The following WDTC1 variants were observed in gnomAD, a reference collection of about 807,000 sequenced individuals.
The protein encoded by WDTC1 is WD and tetratricopeptide repeats protein 1.
Under a neutral mutation model 76.0 loss-of-function variants are expected in WDTC1, and 12 were observed. The ratio of observed to expected loss-of-function variants is 0.16; its 90% CI spans 0.10 to 0.26. The LOEUF (loss-of-function observed/expected upper bound fraction) is 0.26, where lower values mean the gene tolerates loss of function less well. Among genes scored for constraint, WDTC1 ranks in the 10% least tolerant of loss-of-function variants. The pLI, the probability that WDTC1 is intolerant of heterozygous loss-of-function variation, is 1.00. For synonymous variants in WDTC1, 326 were observed against 350.8 expected (o/e 0.93, Z 0.79); for missense variants, 511 against 908.8 (o/e 0.56, Z 5.63).
At chr1:27,255,473 G>T (rs2012244833) in intron 1 of WDTC1, 1 of 152,138 alleles carries the variant, frequency 6.6e-6, no homozygotes, top group South Asian at 2.1e-4. Context: ...TTTAAGACAA[G>T]TGCAGTAGTG....
At chr1:27,282,337 G>A (rs1015643644) in intron 4 of WDTC1, 52 bp downstream of exon 4, 1 of 1,578,384 alleles carries the variant, frequency 6.3e-7, no homozygotes. Context: ...AGTAAGGAGG[G>A]TGGAACAGCA....
At chr1:27,246,469 A>G (rs2011835366) in intron 1 of WDTC1, among the ~76,000 whole-genome samples, 1 of 152,192 alleles carries the variant, frequency 6.6e-6, no homozygotes, top group Admixed American at 6.5e-5. Context: ...TTATTCATCA[A>G]TTGATGGCCA....
At chr1:27,255,444 A>G (rs2012243621) in intron 1 of WDTC1, 3 of 152,168 alleles carry the variant, frequency 2.0e-5, no homozygotes, top group Admixed American at 2.0e-4. Flanking sequence ...AAGAGCATCT[A>G]CCCTACAAGC....
Position 27,297,941 on chromosome 1 carries a change from C to T in WDTC1, c.1062C>T (p.Pro354=). The T allele has an allele frequency of 1.2e-6, 2 of 1,609,272 alleles. No individual in the cohort carries two copies. ...CTTGGCTCTATTTCCCCTGCAGCCC[C>T]CAAGTAGAGCTACCACCATACCTGG... ...RLPESRGHVS[P]QVELPPYLER... is the part of the protein sequence containing the mutation. The change falls in exon 12 of 16, where the codon CCC becomes CCT. Residue 354 remains proline (P), a synonymous_variant. Transcript: ENST00000319394.
intron 3 of WDTC1, among the ~76,000 whole-genome samples, chr1:27,267,044 C>G (rs945630553): frequency 6.6e-6 from 1 of 152,186 alleles, no homozygotes; most frequent in African/African-American, 2.4e-5. Context: ...AACCTTATCC[C>G]TATTCAACCA....
At chr1:27,281,004 C>CT (rs34814663) in intron 3 of WDTC1, among the ~76,000 whole-genome samples, 7 of 151,510 alleles carry the variant, frequency 4.6e-5, no homozygotes, top group Non-Finnish European at 7.4e-5. Context: ...GTCTCTCTCT[C>CT]TTTTTTTTCA....
intron 1 of WDTC1, among the ~76,000 whole-genome samples, chr1:27,247,704 TTTTC>T (rs1370334672): frequency 6.7e-6 from 1 of 150,056 alleles, no homozygotes; most frequent in Non-Finnish European, 1.5e-5. Context: ...ATGTACCACA[TTTTC>T]TTTCTTTTTT....
chr1:27,298,371 A>G (rs866368089), intron 12 of WDTC1, among the ~76,000 whole-genome samples: 13 of 152,224 alleles, frequency 8.5e-5, no homozygotes, highest in Non-Finnish European at 1.2e-4. Flanking sequence ...TAGTTTCTAC[A>G]TGGCATATTA....
intron 7 of WDTC1, 71 bp from the exon 8 acceptor site, chr1:27,293,951 T>A: frequency 1.4e-6 from 2 of 1,437,686 alleles, no homozygotes; most frequent in Non-Finnish European, 1.9e-6. Context: ...AGTTTTCGTC[T>A]AGTGAGTGTG....
intron 1 of WDTC1, among the ~76,000 whole-genome samples, chr1:27,258,218 T>C (rs1221232812): frequency 6.7e-6 from 1 of 149,984 alleles, no homozygotes; most frequent in Non-Finnish European, 1.5e-5. Context: ...GGCAACATAA[T>C]GAGGCCCCAT....
At chr1:27,300,845 T>G (rs2013813844) in intron 12 of WDTC1, among the ~76,000 whole-genome samples, 1 of 152,046 alleles carries the variant, frequency 6.6e-6, no homozygotes. Context: ...CGGGGGTGAT[T>G]TGAGAAGGTG....
intron 1 of WDTC1, among the ~76,000 whole-genome samples, chr1:27,241,005 A>G (rs1315560881): frequency 6.6e-6 from 1 of 151,524 alleles, no homozygotes; most frequent in African/African-American, 2.4e-5. Flanking sequence ...TTAAGCCTGA[A>G]TAAGGGGAGG....
intron 1 of WDTC1, among the ~76,000 whole-genome samples, chr1:27,253,202 G>A (rs1234240885): frequency 6.6e-6 from 1 of 151,914 alleles, no homozygotes; most frequent in East Asian, 1.9e-4. Context: ...TAGAGACAGG[G>A]TTTCACTGTG....
At position 27,287,698 on chromosome 1, in the gene WDTC1, A is replaced by G. The variant is rs2013381550; in HGVS notation, c.316A>G (p.Ile106Val). ...GTTCCTGCCTCACGCTGGGGACCGC[A>G]TCTTGATCACGGGGGCAGCCGACTC... Reference protein sequence around the residue: ...VKFLPHAGDRILITGAADSKV... With the variant: ...VKFLPHAGDRVLITGAADSKV... The change falls in exon 6 of 16, where the codon ATC (isoleucine) becomes GTC (valine). Residue 106 changes from isoleucine to valine, a missense_variant. Coordinates refer to ENST00000319394, the MANE Select transcript of WDTC1 (RefSeq NM_001276252.2). 1.9e-6 allele frequency: 3 copies of G among 1,613,742 alleles called. No individual in the cohort carries two copies. Among genetic ancestry groups the G allele is most frequent in the Middle Eastern group, 1.6e-4 (1 of 6,062 alleles).
Position 27,306,525 on chromosome 1 carries a change from G to A in WDTC1, c.*142G>A. Reference sequence around the variant, plus strand: ...TGTTTTGTTTGTTAGTTTGGCGTTAGGGGTGGAGGTTGCTACAACTTGCTG... The same window carrying A: ...TGTTTTGTTTGTTAGTTTGGCGTTAAGGGTGGAGGTTGCTACAACTTGCTG... On this transcript the variant is annotated 3_prime_UTR_variant, in exon 16 of 16. Transcript: ENST00000319394. This position sits in a 1 kb window ranked among gnomAD's most constrained non-coding sequence, Gnocchi z 5.0. 1 of 1,086,924 alleles carries A rather than the reference G, an allele frequency of 9.2e-7. No individual in the cohort carries two copies. Among genetic ancestry groups the A allele is most frequent in the Non-Finnish European group, 1.3e-6 (1 of 780,058 alleles). 67.3% of individuals were successfully genotyped at this position (1,086,924 alleles called of 1,614,324 possible). A position where few individuals can be genotyped will look rare whatever the true frequency, so the allele number is the denominator to read the frequency against.
chr1:27,297,531 G>C (rs2013725853), intron 11 of WDTC1, among the ~76,000 whole-genome samples: 1 of 152,144 alleles, frequency 6.6e-6, no homozygotes. Context: ...CCTCTGTGCT[G>C]GGCTTTGGAT....
intron 1 of WDTC1, among the ~76,000 whole-genome samples, chr1:27,251,034 T>TTA (rs2012036718): frequency 2.9e-5 from 1 of 34,946 alleles, no homozygotes; most frequent in Admixed American, 3.2e-4. Context: ...TCCTGGCTAA[T>TTA]TTTTTTTTTT....
intron 1 of WDTC1, among the ~76,000 whole-genome samples, chr1:27,260,078 A>AT (rs921620363): frequency 3.4e-4 from 51 of 151,438 alleles, no homozygotes; most frequent in African/African-American, 1.1e-3. Flanking sequence ...ACCTACCAGG[A>AT]TTTTTTTTGT....
At chr1:27,269,599 G>GTTTTTTTTT (rs1570959197) in intron 3 of WDTC1, among the ~76,000 whole-genome samples, 1 of 81,848 alleles carries the variant, frequency 1.2e-5, no homozygotes, top group African/African-American at 3.8e-5. Context: ...ATTTTTTTTT[G>GTTTTTTTTT]TTTTTTGTTT....
Sources: allele counts gnomAD v4.1 joint callset (sites outside exome capture counted in the v4.1 genomes callset), GRCh38; gene constraint gnomAD v4.1.1; non-coding constraint Gnocchi (gnomAD v3.1); transcripts MANE v1.5; gene names NCBI Gene and HGNC (gene_info 2026-07-23, HGNC 2026-07-21).